The following MYOF variants were observed in gnomAD, a reference collection of about 807,000 sequenced individuals.
The protein encoded by MYOF is myoferlin.
Under a neutral mutation model 284.2 loss-of-function variants are expected in MYOF, and 244 were observed. The ratio of observed to expected loss-of-function variants is 0.86; its 90% CI spans 0.77 to 0.95. The LOEUF (loss-of-function observed/expected upper bound fraction) is 0.95, where lower values mean the gene tolerates loss of function less well. Among genes scored for constraint, MYOF ranks in the 40% least tolerant of loss-of-function variants. MYOF has a pLI of 0.00. For missense variants in MYOF, 2,496 were observed against 2,560.6 expected (o/e 0.97, Z 0.54); for synonymous variants, 904 against 919.7 (o/e 0.98, Z 0.31).
chr10:93,437,486 G>A (rs1849181957), intron 3 of MYOF, among the ~76,000 whole-genome samples: 1 of 152,140 alleles, frequency 6.6e-6, no homozygotes, highest in African/African-American at 2.4e-5. Flanking sequence ...TCTGGAGGAG[G>A]AGTAACTTGG....
chr10:93,316,607 A>C (rs1255933920), intron 50 of MYOF, 107 bp downstream of exon 50: 2 of 1,039,710 alleles, frequency 1.9e-6, no homozygotes, highest in Admixed American at 2.0e-5. Flanking sequence ...CCAGGCCCCC[A>C]TTACCAAAAA....
Position 93,396,174 on chromosome 10 carries a change from G to C in MYOF, c.1385C>G (p.Ser462Cys). 1 of 1,609,792 alleles carries C rather than the reference G, an allele frequency of 6.2e-7. No homozygotes were observed. Among genetic ancestry groups the C allele is most frequent in the African/African-American group, 1.3e-5 (1 of 74,864 alleles). Residue 462 changes from serine (S) to cysteine (C), a missense_variant, in exon 16 of 54, where the codon TCT becomes TGT. This residue lies in a region of MYOF where 2,436 missense variants were observed against 2,480.7 expected (regional missense o/e 0.98). Coordinates refer to ENST00000359263, the MANE Select transcript of MYOF (RefSeq NM_013451.4). ...DVVGTTYLHL[S>C]KIAASGGEVE... Reference sequence around the variant, plus strand: ...TTCCCCACCAGAGGCAGCAATTTTAGAGAGGTGTAGATATGTTGTTCCAAC... The same window carrying C: ...TTCCCCACCAGAGGCAGCAATTTTACAGAGGTGTAGATATGTTGTTCCAAC...
At chr10:93,392,264 T>TA (rs1470954670) in intron 17 of MYOF, among the ~76,000 whole-genome samples, 2 of 152,202 alleles carry the variant, frequency 1.3e-5, no homozygotes, top group Non-Finnish European at 2.9e-5. Flanking sequence ...TTTCCCTTCT[T>TA]ACCACAACCC....
In MYOF at chr10:93,369,716, G is replaced by T. The variant is rs1366541906; in HGVS notation, c.2518C>A (p.Leu840Ile). Residue 840 changes from leucine (L) to isoleucine (I), a missense_variant, in exon 25 of 54, where the codon CTA becomes ATA. Transcript: ENST00000359263. Reference protein sequence around the residue: ...VPVELRVNIWLGLSAVEKKFN... With the variant: ...VPVELRVNIWIGLSAVEKKFN... ...TTCTTCTCCACAGCACTTAAGCCTAGCCAGATGTTCACTCGCAACTCCACA... is the reference window on the plus strand; with the variant it reads ...TTCTTCTCCACAGCACTTAAGCCTATCCAGATGTTCACTCGCAACTCCACA... 1 of 1,614,180 alleles carries T rather than the reference G, an allele frequency of 6.2e-7. No homozygotes were observed. The highest frequency in any genetic ancestry group is 8.5e-7 in the Non-Finnish European group (1 of 1,180,030).
intron 1 of MYOF, among the ~76,000 whole-genome samples, chr10:93,467,375 T>C (rs1184855120): frequency 1.4e-5 from 2 of 140,388 alleles, no homozygotes; most frequent in East Asian, 4.4e-4. Context: ...GTCCATGTGT[T>C]CTCATTGTTC....
chr10:93,465,538 C>CTTTTTT (rs71031511), intron 1 of MYOF, among the ~76,000 whole-genome samples: 55,775 of 111,140 alleles, frequency 0.5, 15,832 homozygotes, highest in South Asian at 0.65. Flanking sequence ...TTTTTCTTTT[C>CTTTTTT]TTTTTTTTTT....
intron 32 of MYOF, among the ~76,000 whole-genome samples, chr10:93,352,281 T>C (rs914208779): frequency 1.3e-5 from 2 of 152,192 alleles, no homozygotes; most frequent in East Asian, 1.9e-4. Flanking sequence ...TTCACGGTGT[T>C]GAGAGGATGA....
In MYOF at chr10:93,345,542, G is replaced by A. The variant is rs527995614; in HGVS notation, c.4250-1610C>T. Reference sequence around the variant, plus strand: ...AGATCCACGTGGCACCCCTAGACCTGTAAGCAGTCTCTACACTTCCAAGAT... The same window carrying A: ...AGATCCACGTGGCACCCCTAGACCTATAAGCAGTCTCTACACTTCCAAGAT... On this transcript the variant is annotated intron_variant, in intron 37 of 53. Transcript: ENST00000359263. Among the ~76,000 whole-genome samples the A allele has an allele frequency of 5.3e-5, 8 of 152,256 alleles. No homozygotes were observed. The East Asian group carries it at 1.2e-3, about 22-fold the overall frequency.
At chr10:93,418,826 T>A (rs762360477) in intron 5 of MYOF, among the ~76,000 whole-genome samples, 1 of 152,238 alleles carries the variant, frequency 6.6e-6, no homozygotes, top group Non-Finnish European at 1.5e-5. Flanking sequence ...ACCACTTGTT[T>A]ATGATGAGCA....
intron 26 of MYOF, among the ~76,000 whole-genome samples, chr10:93,365,854 TAG>T (rs1845299927): frequency 6.6e-6 from 1 of 152,214 alleles, no homozygotes; most frequent in Non-Finnish European, 1.5e-5. Context: ...CCCCTAAGCC[TAG>T]AGTTCTCTCA....
In MYOF at chr10:93,310,598, C is replaced by T. The variant is rs180931942; in HGVS notation, c.5935G>A (p.Asp1979Asn). ...TLEILNEKEA[D>N]ERPAGKGRDE... ...CGCCCCTTCCCGGCTGGCCTCTCGT[C>T]GGCCTCCTTCTCGTTGAGGATTTCC... The change falls in exon 52 of 54, where the codon GAC (aspartate) becomes AAC (asparagine). Residue 1979 changes from aspartate (D) to asparagine (N), a missense_variant. Physicochemically the swap from Asp to Asn is conservative, Grantham distance 23. This residue lies in a region of MYOF where 2,436 missense variants were observed against 2,480.7 expected (regional missense o/e 0.98). Coordinates refer to ENST00000359263, the MANE Select transcript of MYOF (RefSeq NM_013451.4). 45 of 1,614,180 alleles carry T rather than the reference C, an allele frequency of 2.8e-5. No individual in the cohort carries two copies. In the East Asian group the frequency reaches 6.9e-4, roughly 25 times the overall value.
rs185561039 is a variant in MYOF at position 93,335,475 on chromosome 10, C to T, written c.4563+446G>A. On this transcript the variant is annotated intron_variant, in intron 41 of 53. Transcript: ENST00000359263. ...AGTGTGACGAGAAAGGTGACAAGGA[C>T]TGTCAAGTGAGAAGTTGTCACGATG... 2.0e-5 allele frequency among the ~76,000 whole-genome samples: 3 copies of T among 152,294 alleles called. No individual in the cohort carries two copies. The East Asian group carries it at 5.8e-4, about 29-fold the overall frequency.
At chr10:93,404,607 A>G (rs1847461853) in intron 7 of MYOF, among the ~76,000 whole-genome samples, 1 of 150,290 alleles carries the variant, frequency 6.7e-6, no homozygotes, top group South Asian at 2.1e-4. Context: ...CAGGAGTTCA[A>G]GACCAGCCAG....
chr10:93,480,387 C>G (rs1273559451), intron 1 of MYOF, among the ~76,000 whole-genome samples: 1 of 145,890 alleles, frequency 6.9e-6, no homozygotes, highest in African/African-American at 2.5e-5. Context: ...CAGTCTTATT[C>G]AAAAAAATTT....
At chr10:93,320,350 C>G (rs528939293) in intron 48 of MYOF, among the ~76,000 whole-genome samples, 6,863 of 152,222 alleles carry the variant, frequency 0.045, 537 homozygotes, top group African/African-American at 0.16. Flanking sequence ...GACTTTAGTC[C>G]TCACAACTAT....
chr10:93,472,711 A>G (rs1475129008), intron 1 of MYOF, among the ~76,000 whole-genome samples: 1 of 152,216 alleles, frequency 6.6e-6, no homozygotes, highest in African/African-American at 2.4e-5. Flanking sequence ...ATCTTACGTT[A>G]TATGTGTTTT....
Position 93,378,693 on chromosome 10 carries a change from G to GTGTGTGTATATATA in MYOF, c.2001+1169_2001+1170insTATATATACACACA. 5.2e-3 allele frequency among the ~76,000 whole-genome samples: 457 copies of GTGTGTGTATATATA among 87,576 alleles called. 50 individuals are homozygous for GTGTGTGTATATATA. The East Asian group carries it at 0.16, about 30-fold the overall frequency. 57.5% of individuals were successfully genotyped at this position (87,576 alleles called of 152,430 possible). On this transcript the variant is annotated intron_variant, in intron 21 of 53. Transcript: ENST00000359263. ...TATGTGTGTGTGTATGTGTGTGTGT[G>GTGTGTGTATATATA]TATATATATATATATATATATATGT... is the stretch of plus-strand genomic sequence containing the variant.
intron 3 of MYOF, among the ~76,000 whole-genome samples, chr10:93,445,888 C>T (rs1470147919): frequency 1.3e-5 from 2 of 152,298 alleles, no homozygotes; most frequent in Middle Eastern, 3.4e-3. Context: ...GGGAAGCGGT[C>T]CCACACTGAG....
chr10:93,383,520 G>A (rs905386380), intron 19 of MYOF, among the ~76,000 whole-genome samples: 1 of 152,162 alleles, frequency 6.6e-6, no homozygotes, highest in African/African-American at 2.4e-5. Flanking sequence ...GATTGGGGGT[G>A]CACGCTACTT....
Sources: gnomAD v4.1 joint callset for allele counts (sites outside exome capture counted in the v4.1 genomes callset) on GRCh38, gnomAD v4.1.1 for gene constraint, gnomAD v4.1.1 regional missense constraint, MANE v1.5 for transcripts, NCBI Gene and HGNC (gene_info 2026-07-23, HGNC 2026-07-21) for gene names.